Variants in NSD3 observed in about 807,000 individuals in gnomAD.
NSD3 encodes the protein nuclear receptor binding SET domain protein 3, also known as histone-lysine N-methyltransferase NSD3.
A neutral mutation model predicts 160.8 loss-of-function variants in NSD3; 24 were observed. The ratio of observed to expected loss-of-function variants is 0.15; its 90% CI spans 0.11 to 0.21. NSD3 has a LOEUF of 0.21. Ranked by LOEUF, NSD3 falls within the 10% of genes least tolerant of loss-of-function variation. The pLI is 1.00. For synonymous variants in NSD3, 520 were observed against 600.0 expected (o/e 0.87, Z 1.95); for missense variants, 1,157 against 1,735.9 (o/e 0.67, Z 5.93).
At chr8:38,364,882 G>A (rs1373047855) in intron 1 of NSD3, among the ~76,000 whole-genome samples, 2 of 152,112 alleles carry the variant, frequency 1.3e-5, no homozygotes, top group Non-Finnish European at 2.9e-5. Flanking sequence ...TCACTAGGTG[G>A]AAATTTATTT....
At chr8:38,343,198 A>G (rs910084612) in intron 2 of NSD3, among the ~76,000 whole-genome samples, 11 of 152,046 alleles carry the variant, frequency 7.2e-5, no homozygotes, top group African/African-American at 2.4e-4. Context: ...GCCTCAAAAA[A>G]AAAAGATTAG....
intron 2 of NSD3, among the ~76,000 whole-genome samples, chr8:38,340,629 C>T (rs1011971162): frequency 6.6e-5 from 10 of 152,158 alleles, no homozygotes; most frequent in African/African-American, 2.4e-4. Flanking sequence ...TGAGCCACCA[C>T]ACCTGGCCTA....
chr8:38,327,197 G>A lies in NSD3; in HGVS notation c.1582-341C>T, dbSNP rs141093111. 8.0e-5 allele frequency among the ~76,000 whole-genome samples: 12 copies of A among 150,854 alleles called. 1 individual carries two copies. The highest frequency in any genetic ancestry group is 2.6e-4 in the Admixed American group (4 of 15,122). On this transcript the variant is annotated intron_variant, in intron 6 of 23. Coordinates refer to ENST00000317025, the MANE Select transcript of NSD3 (RefSeq NM_023034.2). ...CCCAAGTACCTGGGAATACAGATGCGTGCCACCACGCCCTGCTAATTTTTT... is the reference window on the plus strand; with the variant it reads ...CCCAAGTACCTGGGAATACAGATGCATGCCACCACGCCCTGCTAATTTTTT...
At chr8:38,375,705 C>T (rs1811372066) in intron 1 of NSD3, among the ~76,000 whole-genome samples, 1 of 151,574 alleles carries the variant, frequency 6.6e-6, no homozygotes, top group Non-Finnish European at 1.5e-5. Flanking sequence ...GATTGGCCTG[C>T]AGAAATAAAG....
intron 4 of NSD3, chr8:38,336,264 T>G (rs983599976): frequency 6.6e-6 from 1 of 152,194 alleles, no homozygotes; most frequent in Non-Finnish European, 1.5e-5. Flanking sequence ...AGAAGTAAGT[T>G]CCAAGCTCAA....
At chr8:38,335,859 T>C (rs1563358951) in intron 4 of NSD3, 1 of 152,186 alleles carries the variant, frequency 6.6e-6, no homozygotes, top group South Asian at 2.1e-4. Flanking sequence ...GCTATGAGGA[T>C]TGGATAAGAA....
chr8:38,349,665 T>TTATATATA (rs71519992), intron 1 of NSD3, among the ~76,000 whole-genome samples: 3,110 of 109,406 alleles, frequency 0.028, 54 homozygotes, highest in African/African-American at 0.032. Flanking sequence ...ATTTCTTTCT[T>TTATATATA]TATATATATA....
Position 38,347,928 on chromosome 8 carries a change from T to C in NSD3, c.244A>G (p.Thr82Ala), listed in dbSNP as rs1179684369. Residue 82 changes from threonine (T) to alanine (A), a missense_variant, in exon 2 of 24, where the codon ACT (threonine) becomes GCT (alanine). This residue lies in a region of NSD3 where 121 missense variants were observed against 177.2 expected (regional missense o/e 0.68). Transcript: ENST00000317025. ...TTATATGACTGGTATTTGGTTTGAG[T>C]TTCATACACACTGATTGATGATGGA... is the stretch of plus-strand genomic sequence containing the variant. ...GYPSSISVYE[T>A]QTKYQSYNQY... 4 of 1,614,194 alleles carry C rather than the reference T, an allele frequency of 2.5e-6. No individual in the cohort carries two copies. Among genetic ancestry groups the C allele is most frequent in the Non-Finnish European group, 3.4e-6 (4 of 1,180,038 alleles).
intron 1 of NSD3, among the ~76,000 whole-genome samples, chr8:38,352,491 TA>T (rs1458825047): frequency 6.6e-6 from 1 of 152,186 alleles, no homozygotes; most frequent in African/African-American, 2.4e-5. Context: ...GGTTCATAGG[TA>T]AAAGAAAGTG....
chr8:38,313,186 T>C (rs1330366256), intron 12 of NSD3, among the ~76,000 whole-genome samples: 2 of 152,192 alleles, frequency 1.3e-5, no homozygotes, highest in Admixed American at 1.3e-4. Flanking sequence ...TAGCTTAGTT[T>C]ATGTACATGT....
At chr8:38,369,207 T>C (rs879680531) in intron 1 of NSD3, among the ~76,000 whole-genome samples, 5 of 152,196 alleles carry the variant, frequency 3.3e-5, no homozygotes, top group Non-Finnish European at 7.3e-5. Flanking sequence ...CAACATGTAG[T>C]TTTCAAAATA....
rs942255134 is a variant in NSD3, at chr8:38,288,149, T to G, written c.3501+338A>C. 6.6e-6 allele frequency among the ~76,000 whole-genome samples: 1 copy of G among 151,964 alleles called. No individual in the cohort carries two copies. The highest frequency in any genetic ancestry group is 2.4e-5 in the African/African-American group (1 of 41,350). On this transcript the variant is annotated intron_variant, in intron 19 of 23. Transcript: ENST00000317025. The surrounding 1 kb of genome is among the most constrained non-coding windows in gnomAD (Gnocchi z 4.5). ...GTGAGCTATGAACACGCCACTGTAT[T>G]CCAGCATGGGTAACAGAATGGGGAC...
chr8:38,290,430 A>G, intron 17 of NSD3, 45 bp downstream of exon 17: 1 of 1,595,164 alleles, frequency 6.3e-7, no homozygotes, highest in South Asian at 1.1e-5. Context: ...AGAAACTGAC[A>G]CCGGAGTTGT....
rs764984277 is a variant in NSD3 at position 38,318,958 on chromosome 8, T to C, written c.1810-18A>G. 4 of 1,598,596 alleles carry C rather than the reference T, an allele frequency of 2.5e-6. No homozygotes were observed. The highest frequency in any genetic ancestry group is 3.4e-6 in the Non-Finnish European group (4 of 1,175,142). On this transcript the variant is annotated intron_variant, in intron 8 of 23. Coordinates refer to ENST00000317025, the MANE Select transcript of NSD3 (RefSeq NM_023034.2). The surrounding 1 kb of genome is among the most constrained non-coding windows in gnomAD (Gnocchi z 5.3). ...GTTTCAACCTGTTTGGACAGAAAAATACAGCATTAACAAAGAATTTTTTTC... is the reference window on the plus strand; with the variant it reads ...GTTTCAACCTGTTTGGACAGAAAAACACAGCATTAACAAAGAATTTTTTTC...
At chr8:38,294,762 G>A (rs994030602) in intron 16 of NSD3, among the ~76,000 whole-genome samples, 1 of 151,902 alleles carries the variant, frequency 6.6e-6, no homozygotes, top group African/African-American at 2.4e-5. Flanking sequence ...AGGATCGCTT[G>A]AGCCCAGGAG....
chr8:38,377,941 CA>C (rs1008057016), intron 1 of NSD3, among the ~76,000 whole-genome samples: 1 of 151,322 alleles, frequency 6.6e-6, no homozygotes, highest in Non-Finnish European at 1.5e-5. Flanking sequence ...AAAAAACAAA[CA>C]AAAAAACAAA....
chr8:38,357,002 C>T (rs1034127390), intron 1 of NSD3, among the ~76,000 whole-genome samples: 1 of 150,642 alleles, frequency 6.6e-6, no homozygotes, highest in South Asian at 2.1e-4. Context: ...GCCGGTAATC[C>T]CAGCTACTTG....
Position 38,319,143 on chromosome 8 carries a change from A to G in NSD3, c.1810-203T>C. 1.9e-6 allele frequency: 1 copy of G among 537,620 alleles called. No individual in the cohort carries two copies. Among genetic ancestry groups the G allele is most frequent in the Non-Finnish European group, 3.3e-6 (1 of 301,170 alleles). 33.3% of individuals were successfully genotyped at this position (537,620 alleles called of 1,614,324 possible). On this transcript the variant is annotated intron_variant, in intron 8 of 23. Coordinates refer to ENST00000317025, the MANE Select transcript of NSD3 (RefSeq NM_023034.2). The surrounding 1 kb of genome is among the most constrained non-coding windows in gnomAD (Gnocchi z 4.1). Reference sequence around the variant, plus strand: ...ATCCTAGCTGCCTGTGCTGAATATCAAGTGACAACACACAGCCACATGCTC... The same window carrying G: ...ATCCTAGCTGCCTGTGCTGAATATCGAGTGACAACACACAGCCACATGCTC...
At chr8:38,336,731 A>C (rs1210625235) in intron 4 of NSD3, among the ~76,000 whole-genome samples, 1 of 152,250 alleles carries the variant, frequency 6.6e-6, no homozygotes, top group Non-Finnish European at 1.5e-5. Context: ...CTTTAAAAAA[A>C]GCAAGTGTAA....
Sources: allele counts gnomAD v4.1 joint callset (sites outside exome capture counted in the v4.1 genomes callset), GRCh38; gene constraint gnomAD v4.1.1; regional missense constraint gnomAD v4.1.1; non-coding constraint Gnocchi (gnomAD v3.1); transcripts MANE v1.5; gene names NCBI Gene and HGNC (gene_info 2026-07-23, HGNC 2026-07-21).